The following SMYD3 variants were observed in gnomAD, a reference collection of about 807,000 sequenced individuals.
SMYD3 encodes the protein SET and MYND domain containing 3.
Under a neutral mutation model 57.7 loss-of-function variants are expected in SMYD3, and 36 were observed. The observed-to-expected ratio is 0.62, with a 90% CI of 0.48 to 0.82. The LOEUF is 0.82. Ranked by LOEUF, SMYD3 falls within the 40% of genes least tolerant of loss-of-function variation. The pLI is 0.00. For synonymous variants in SMYD3, 211 were observed against 195.0 expected, an observed-to-expected ratio of 1.08 and a Z score of -0.68; for missense variants, 515 against 538.8, an observed-to-expected ratio of 0.96 and a Z score of 0.44.
At chr1:245,888,894 C>T (rs562553919) in intron 8 of SMYD3, among the ~76,000 whole-genome samples, 2 of 152,318 alleles carry the variant, frequency 1.3e-5, no homozygotes, top group Non-Finnish European at 2.9e-5. Flanking sequence ...AGTGGAACCA[C>T]ATTTGGTCAC....
intron 1 of SMYD3, among the ~76,000 whole-genome samples, chr1:246,395,468 C>A (rs1368389210): frequency 6.6e-6 from 1 of 152,236 alleles, no homozygotes; most frequent in African/African-American, 2.4e-5. Flanking sequence ...TCATTTCAAT[C>A]ATCCTCACGG....
intron 5 of SMYD3, among the ~76,000 whole-genome samples, chr1:246,147,701 TG>T (rs1412788512): frequency 3.3e-5 from 5 of 151,834 alleles, no homozygotes; most frequent in Non-Finnish European, 5.9e-5. Context: ...GTGCTCTTGG[TG>T]GGGGCCGGGA....
intron 5 of SMYD3, among the ~76,000 whole-genome samples, chr1:246,127,009 A>T (rs1366863313): frequency 6.6e-6 from 1 of 152,222 alleles, no homozygotes; most frequent in Non-Finnish European, 1.5e-5. Context: ...TAATAGGGTT[A>T]GTAACCACTG....
intron 8 of SMYD3, among the ~76,000 whole-genome samples, chr1:245,906,174 A>G (rs138700098): frequency 6.6e-6 from 1 of 152,370 alleles, no homozygotes; most frequent in East Asian, 1.9e-4. Flanking sequence ...GCTTCTGCAT[A>G]GCAGAGGAAA....
At chr1:245,817,241 T>C (rs908375514) in intron 10 of SMYD3, among the ~76,000 whole-genome samples, 2 of 144,746 alleles carry the variant, frequency 1.4e-5, no homozygotes, top group African/African-American at 2.6e-5. Flanking sequence ...CCCTGACCCC[T>C]GACCCCCGAG....
intron 10 of SMYD3, among the ~76,000 whole-genome samples, chr1:245,773,116 A>G (rs2148099294): frequency 6.7e-6 from 1 of 149,728 alleles, no homozygotes; most frequent in African/African-American, 2.5e-5. Context: ...AAAAAGCATG[A>G]TAGCATCAAA....
intron 5 of SMYD3, among the ~76,000 whole-genome samples, chr1:246,311,633 C>T (rs1249349406): frequency 1.3e-5 from 2 of 151,962 alleles, no homozygotes; most frequent in Admixed American, 6.5e-5. Context: ...CACACGCACA[C>T]GCGTGACACG....
intron 10 of SMYD3, among the ~76,000 whole-genome samples, chr1:245,856,895 C>G (rs546566694): frequency 6.6e-6 from 1 of 152,310 alleles, no homozygotes; most frequent in African/African-American, 2.4e-5. Flanking sequence ...CACCCAGAGG[C>G]TGTTTGGCTT....
chr1:246,267,913 G>C (rs2064141625), intron 5 of SMYD3, among the ~76,000 whole-genome samples: 1 of 152,124 alleles, frequency 6.6e-6, no homozygotes, highest in African/African-American at 2.4e-5. Flanking sequence ...AATCCCTAAA[G>C]AAGCAAGATC....
At chr1:246,242,295 C>T (rs9787384) in intron 5 of SMYD3, among the ~76,000 whole-genome samples, 31,546 of 151,958 alleles carry the variant, frequency 0.21, 3,993 homozygotes, top group East Asian at 0.58. Flanking sequence ...GTTGTGTCTT[C>T]GTTCTCATCA....
chr1:245,914,742 T>C (rs1238530110), intron 8 of SMYD3, among the ~76,000 whole-genome samples: 2 of 152,178 alleles, frequency 1.3e-5, no homozygotes, highest in East Asian at 3.8e-4. Context: ...AAAAGAGGAT[T>C]TTGAATATTC....
intron 5 of SMYD3, among the ~76,000 whole-genome samples, chr1:246,255,979 T>TAGATAGATAGATAGACAGAC (rs1553320462): frequency 2.0e-4 from 30 of 147,754 alleles, no homozygotes; most frequent in East Asian, 6.0e-4. Flanking sequence ...GATAGATAGA[T>TAGATAGATAGATAGACAGAC]AGATAGATAC....
chr1:245,756,938 A>C (rs1447593239), intron 11 of SMYD3, among the ~76,000 whole-genome samples: 1 of 151,958 alleles, frequency 6.6e-6, no homozygotes, highest in East Asian at 1.9e-4. Context: ...AAATTTGCAA[A>C]GTTTTCCACT....
intron 8 of SMYD3, among the ~76,000 whole-genome samples, chr1:245,907,455 T>TA (rs1206187202): frequency 3.9e-5 from 6 of 152,100 alleles, no homozygotes; most frequent in Admixed American, 6.5e-5. Context: ...AGACTAGCTC[T>TA]AAAAAAAATT....
chr1:246,310,735 T>C (rs1148720), intron 5 of SMYD3, among the ~76,000 whole-genome samples: 2,272 of 146,342 alleles, frequency 0.016, 33 homozygotes, highest in African/African-American at 0.038. Flanking sequence ...AGTGGCGCGA[T>C]CTTGGCTCAC....
intron 5 of SMYD3, among the ~76,000 whole-genome samples, chr1:246,271,336 T>G (rs4291469): frequency 0.33 from 50,612 of 151,970 alleles, 9,287 homozygotes; most frequent in East Asian, 0.72. Flanking sequence ...TTTCTTTAGC[T>G]GCCTGTTCCT....
At chr1:245,882,864 G>A (rs1258213542) in intron 8 of SMYD3, among the ~76,000 whole-genome samples, 1 of 152,198 alleles carries the variant, frequency 6.6e-6, no homozygotes, top group Non-Finnish European at 1.5e-5. Flanking sequence ...TTCCTGGGTA[G>A]AAATAATTGA....
chr1:246,114,909 C>T (rs1317843259), intron 5 of SMYD3, among the ~76,000 whole-genome samples: 3 of 42,662 alleles, frequency 7.0e-5, no homozygotes, highest in African/African-American at 1.2e-4. Flanking sequence ...GGATTACAGG[C>T]GTGAGCCTCC....
At chr1:246,255,429 G>C (rs1488837301) in intron 5 of SMYD3, among the ~76,000 whole-genome samples, 1 of 151,710 alleles carries the variant, frequency 6.6e-6, no homozygotes, top group Non-Finnish European at 1.5e-5. Flanking sequence ...CATCCATTGG[G>C]GATGATCATA....
Sources: allele counts gnomAD v4.1 joint callset (sites outside exome capture counted in the v4.1 genomes callset), GRCh38; gene constraint gnomAD v4.1.1; transcripts MANE v1.5; gene names NCBI Gene and HGNC (gene_info 2026-07-23, HGNC 2026-07-21).